Variants in AKR1C3 observed in about 807,000 individuals in gnomAD.
The protein encoded by AKR1C3 is 3-alpha hydroxysteroid dehydrogenase, type II.
A neutral mutation model predicts 43.6 loss-of-function variants in AKR1C3; 48 were observed. The observed-to-expected ratio is 1.10, with a 90% CI of 0.87 to 1.40. AKR1C3 has a LOEUF of 1.40. Among genes scored for constraint, AKR1C3 ranks in the 40% most tolerant of loss-of-function variants. The pLI, the probability that AKR1C3 is intolerant of heterozygous loss-of-function variation, is 0.00. For missense variants in AKR1C3, 482 were observed against 391.2 expected, an observed-to-expected ratio of 1.23 and a Z score of -1.96; for synonymous variants, 162 against 139.6, an observed-to-expected ratio of 1.16 and a Z score of -1.13.
At chr10:5,075,801 G>A (rs2131810177) in intron 1 of AKR1C3, among the ~76,000 whole-genome samples, 1 of 152,188 alleles carries the variant, frequency 6.6e-6, no homozygotes, top group East Asian at 1.9e-4. Flanking sequence ...TTGAACCCGG[G>A]AGGCAGAGGT....
chr10:5,076,143 T>A (rs1838711935), intron 1 of AKR1C3, among the ~76,000 whole-genome samples: 1 of 152,196 alleles, frequency 6.6e-6, no homozygotes, highest in South Asian at 2.1e-4. Flanking sequence ...TAACAGTAGT[T>A]CTCAAATCAT....
chr10:5,097,173 T>G (rs1472407305), intron 2 of AKR1C3, among the ~76,000 whole-genome samples: 2 of 152,150 alleles, frequency 1.3e-5, no homozygotes, highest in Non-Finnish European at 2.9e-5. Context: ...GGTAACATCA[T>G]AGTTATTACT....
At chr10:5,068,926 T>C (rs1479243438) in intron 1 of AKR1C3, among the ~76,000 whole-genome samples, 2 of 152,220 alleles carry the variant, frequency 1.3e-5, no homozygotes, top group Non-Finnish European at 2.9e-5. Flanking sequence ...TTAGCAAACC[T>C]AATATTTGAA....
intron 1 of AKR1C3, among the ~76,000 whole-genome samples, chr10:5,086,599 G>A (rs1165581615): frequency 6.7e-6 from 1 of 150,352 alleles, no homozygotes; most frequent in Admixed American, 6.6e-5. Context: ...GGTCCGCTTG[G>A]TGCAGAGCTG....
At chr10:5,087,220 C>T (rs181036244) in intron 1 of AKR1C3, among the ~76,000 whole-genome samples, 2 of 152,136 alleles carry the variant, frequency 1.3e-5, no homozygotes, top group South Asian at 2.1e-4. Flanking sequence ...TGTTCCTTTC[C>T]ATGTTTAGTG....
chr10:5,079,582 T>C (rs1186391162), intron 1 of AKR1C3, among the ~76,000 whole-genome samples: 2 of 151,222 alleles, frequency 1.3e-5, no homozygotes, highest in African/African-American at 4.9e-5. Context: ...AAGGTCTGAC[T>C]GAGAAACTTC....
intron 1 of AKR1C3, among the ~76,000 whole-genome samples, chr10:5,075,477 T>TG (rs1554781718): frequency 4.6e-5 from 7 of 151,096 alleles, no homozygotes. Context: ...ATAAATAAGT[T>TG]TTTTTTAACA....
intron 1 of AKR1C3, among the ~76,000 whole-genome samples, chr10:5,073,205 G>A (rs537731332): frequency 3.9e-4 from 59 of 152,122 alleles, no homozygotes; most frequent in African/African-American, 1.2e-3. Context: ...CTCATGATCC[G>A]CCTGCCTCAG....
chr10:5,055,062 C>A (rs564971404), intron 1 of AKR1C3, among the ~76,000 whole-genome samples: 1 of 152,224 alleles, frequency 6.6e-6, no homozygotes, highest in African/African-American at 2.4e-5. Flanking sequence ...CACATTTATT[C>A]TTTTTCCCTT....
chr10:5,087,373 TTTCTTTC>T (rs1229286420), intron 1 of AKR1C3, among the ~76,000 whole-genome samples: 9 of 38,488 alleles, frequency 2.3e-4, no homozygotes, highest in Admixed American at 1.8e-3. Context: ...ACCTTTATCA[TTTCTTTC>T]TTTTTTTTTT....
Position 5,099,449 on chromosome 10 carries a change from G to A in AKR1C3, c.570G>A (p.Gln190=), listed in dbSNP as rs1330055962. 3.1e-6 allele frequency: 5 copies of A among 1,614,022 alleles called. No homozygotes were observed. The highest frequency in any genetic ancestry group is 4.5e-5 in the East Asian group (2 of 44,884). The change falls in exon 5 of 9, where the codon CAG becomes CAA. Residue 190 remains glutamine, a splice_region_variant and synonymous_variant. Transcript: ENST00000380554. ...PGLKYKPVCN[Q]VECHPYFNRS... is the part of the protein sequence containing the mutation. ...TCAAGTACAAGCCTGTCTGCAACCA[G>A]GTGAGCTCCCTTGGCCTTCTCTCCT...
At chr10:5,059,622 C>T (rs552180096) in intron 1 of AKR1C3, among the ~76,000 whole-genome samples, 5 of 152,302 alleles carry the variant, frequency 3.3e-5, no homozygotes, top group Admixed American at 2.0e-4. Flanking sequence ...TTTAGTCCAG[C>T]GGCCGCACTA....
At chr10:5,074,183 G>T (rs1325937917) in intron 1 of AKR1C3, among the ~76,000 whole-genome samples, 1 of 152,098 alleles carries the variant, frequency 6.6e-6, no homozygotes, top group Non-Finnish European at 1.5e-5. Flanking sequence ...GATGTCTCAT[G>T]TCTCCCTAAA....
rs200973604 is a variant in AKR1C3 at position 5,101,317 on chromosome 10, TTATTTATTATTG to T, written c.571-772_571-761del. Among the ~76,000 whole-genome samples the T allele has an allele frequency of 9.1e-3, 1,380 of 152,296 alleles. 20 individuals carry two copies. Among genetic ancestry groups the T allele is most frequent in the African/African-American group, 0.031 (1,298 of 41,562 alleles). On this transcript the variant is annotated intron_variant, in intron 5 of 8. Coordinates refer to ENST00000380554, the MANE Select transcript of AKR1C3 (RefSeq NM_003739.6). ...TCACTAATACTTTTGTATTTAATGGTTATTTATTATTGTATTTATTATTTTTTGGAGTTTTTA... is the reference window on the plus strand; with the variant it reads ...TCACTAATACTTTTGTATTTAATGGTTATTTATTATTTTTTGGAGTTTTTA...
intron 1 of AKR1C3, among the ~76,000 whole-genome samples, chr10:5,073,027 A>C (rs1305456302): frequency 2.0e-5 from 3 of 152,074 alleles, no homozygotes; most frequent in Non-Finnish European, 4.4e-5. Flanking sequence ...GTAGTGGCAC[A>C]ATCTTGGCTC....
At chr10:5,105,745 A>G in intron 8 of AKR1C3, 68 bp downstream of exon 8, 1 of 1,244,352 alleles carries the variant, frequency 8.0e-7, no homozygotes, top group Non-Finnish European at 1.2e-6. Flanking sequence ...GGGTGTTGAG[A>G]GTGACCTCCA....
chr10:5,066,968 A>G (rs1292787429), intron 1 of AKR1C3, among the ~76,000 whole-genome samples: 3 of 152,356 alleles, frequency 2.0e-5, no homozygotes, highest in Admixed American at 6.5e-5. Flanking sequence ...ATGCCCTTCT[A>G]AAAGAGTGAA....
chr10:5,098,237 C>A (rs147683642), intron 3 of AKR1C3: 14,942 of 954,472 alleles, frequency 0.016, 123 homozygotes, highest in Admixed American at 0.018. Flanking sequence ...TTTGTCTATT[C>A]TTATCTCTAA....
chr10:5,060,187 G>T (rs899458591), intron 1 of AKR1C3, among the ~76,000 whole-genome samples: 2 of 152,194 alleles, frequency 1.3e-5, no homozygotes, highest in African/African-American at 4.8e-5. Context: ...GTGAGCAGTA[G>T]CAAGATTTAT....
Sources: allele counts gnomAD v4.1 joint callset (sites outside exome capture counted in the v4.1 genomes callset), GRCh38; gene constraint gnomAD v4.1.1; transcripts MANE v1.5; gene names NCBI Gene and HGNC (gene_info 2026-07-23, HGNC 2026-07-21).